HDAC4: variants seen among roughly 807,000 people sequenced by gnomAD.
The protein encoded by HDAC4 is histone deacetylase A.
A neutral mutation model predicts 135.1 loss-of-function variants in HDAC4; 16 were observed. The ratio of observed to expected loss-of-function variants is 0.12; its 90% CI spans 0.08 to 0.18. HDAC4 has a LOEUF of 0.18. Among genes scored for constraint, HDAC4 ranks in the 10% least tolerant of loss-of-function variants. HDAC4 has a pLI of 1.00. For synonymous variants in HDAC4, 685 were observed against 653.4 expected (o/e 1.05, Z -0.74); for missense variants, 1,143 against 1,511.8 (o/e 0.76, Z 4.05).
chr2:239,321,129 T>C (rs1167000925), intron 2 of HDAC4, among the ~76,000 whole-genome samples: 1 of 152,204 alleles, frequency 6.6e-6, no homozygotes, highest in Non-Finnish European at 1.5e-5. Context: ...GCTTTATTAT[T>C]GTCTCTTGCA....
At position 239,335,265 on chromosome 2, in the gene HDAC4, T is replaced by C. The variant is rs778717423; in HGVS notation, c.22+17413A>G. The stretch of plus-strand genomic sequence containing the variant: ...TTATTTCACTTATGACAAAGTTGCA[T>C]TGGATAGCAGAGAAGAAAGGATGAC... On this transcript the variant is annotated intron_variant, in intron 2 of 26. Transcript: ENST00000543185. 9.2e-5 allele frequency among the ~76,000 whole-genome samples: 14 copies of C among 151,870 alleles called. 1 individual carries two copies. Among genetic ancestry groups the C allele is most frequent in the Non-Finnish European group, 2.1e-4 (14 of 67,962 alleles).
chr2:239,189,079 T>TA (rs1437447745), intron 4 of HDAC4, among the ~76,000 whole-genome samples: 1 of 152,164 alleles, frequency 6.6e-6, no homozygotes, highest in Non-Finnish European at 1.5e-5. Flanking sequence ...ATAGATAACT[T>TA]AGTCTGGTTT....
chr2:239,346,490 T>C (rs1172702846), intron 2 of HDAC4, among the ~76,000 whole-genome samples: 1 of 144,978 alleles, frequency 6.9e-6, no homozygotes, highest in East Asian at 2.1e-4. Flanking sequence ...ACCCATACTT[T>C]AACACACAGT....
intron 22 of HDAC4, among the ~76,000 whole-genome samples, chr2:239,077,969 A>G (rs1221831016): frequency 6.6e-6 from 1 of 152,240 alleles, no homozygotes; most frequent in Non-Finnish European, 1.5e-5. Flanking sequence ...TTGCTTGAGA[A>G]GATCCAGTTT....
At chr2:239,209,775 A>T (rs2046259920) in intron 3 of HDAC4, among the ~76,000 whole-genome samples, 1 of 152,248 alleles carries the variant, frequency 6.6e-6, no homozygotes, top group African/African-American at 2.4e-5. Flanking sequence ...TATCCGTAAC[A>T]TGTAAGTAAC....
chr2:239,209,098 C>T (rs6543516), intron 3 of HDAC4, among the ~76,000 whole-genome samples: 20,630 of 152,178 alleles, frequency 0.14, 1,507 homozygotes, highest in East Asian at 0.23. Flanking sequence ...TCAGGCTGGT[C>T]TTGAACTCCT....
In HDAC4 at chr2:239,051,239, GCTT is replaced by G. The variant is rs1261240703; in HGVS notation, c.*1855_*1857del. 2.6e-5 allele frequency: 4 copies of G among 152,344 alleles called. No individual in the cohort carries two copies. Among genetic ancestry groups the G allele is most frequent in the African/African-American group, 9.7e-5 (4 of 41,410 alleles). 9.4% of individuals were successfully genotyped at this position (152,344 alleles called of 1,614,324 possible). A position where few individuals can be genotyped will look rare whatever the true frequency, so the allele number is the denominator to read the frequency against. ...GTTGAAAGTTAAAAAGAGCCCCTGG[GCTT>G]CTTTATACAGCTCCTAGGACAGACC... On this transcript the variant is annotated 3_prime_UTR_variant, in exon 27 of 27. Transcript: ENST00000543185.
chr2:239,397,646 C>T (rs1026089641), intron 1 of HDAC4, among the ~76,000 whole-genome samples: 14 of 152,174 alleles, frequency 9.2e-5, no homozygotes, highest in Non-Finnish European at 1.3e-4. Context: ...GCTGCAGGCA[C>T]CATGGCCCTC....
At chr2:239,176,101 G>A (rs544563821) in intron 5 of HDAC4, among the ~76,000 whole-genome samples, 3 of 152,144 alleles carry the variant, frequency 2.0e-5, no homozygotes, top group Non-Finnish European at 4.4e-5. Context: ...CCTACTCCCC[G>A]TGTGCTGCCC....
intron 1 of HDAC4, among the ~76,000 whole-genome samples, chr2:239,383,998 C>G (rs542639696): frequency 6.6e-6 from 1 of 152,322 alleles, no homozygotes. Context: ...GGCCTACTGA[C>G]GTGAGTAACG....
At chr2:239,147,738 C>T (rs1300789290) in intron 7 of HDAC4, among the ~76,000 whole-genome samples, 1 of 152,276 alleles carries the variant, frequency 6.6e-6, no homozygotes, top group African/African-American at 2.4e-5. Context: ...GCAGTGTCTG[C>T]TCCTTAGGGA....
intron 6 of HDAC4, among the ~76,000 whole-genome samples, chr2:239,162,897 T>C (rs554994425): frequency 1.2e-4 from 18 of 152,154 alleles, no homozygotes; most frequent in Non-Finnish European, 2.4e-4. Flanking sequence ...GGCTTGAGAA[T>C]AGCTATTTTT....
At chr2:239,396,054 G>A (rs1358478169) in intron 1 of HDAC4, among the ~76,000 whole-genome samples, 1 of 152,056 alleles carries the variant, frequency 6.6e-6, no homozygotes, top group Non-Finnish European at 1.5e-5. Flanking sequence ...ACACCTCACT[G>A]CAACCTTGAC....
chr2:239,087,516 G>A (rs992123592), intron 19 of HDAC4, 43 bp downstream of exon 19: 4 of 1,594,604 alleles, frequency 2.5e-6, no homozygotes, highest in African/African-American at 2.7e-5. Context: ...AGGGAAGGAA[G>A]ACCTGGGTTC....
chr2:239,207,396 AAATGT>A (rs778487898), intron 3 of HDAC4, among the ~76,000 whole-genome samples: 232 of 152,310 alleles, frequency 1.5e-3, no homozygotes, highest in Non-Finnish European at 2.9e-3. Flanking sequence ...AAATGAAATG[AAATGT>A]AATCATTACA....
At chr2:239,296,150 C>G (rs1282639694) in intron 2 of HDAC4, among the ~76,000 whole-genome samples, 1 of 152,230 alleles carries the variant, frequency 6.6e-6, no homozygotes, top group South Asian at 2.1e-4. Flanking sequence ...ACAGGCTGAC[C>G]TGGAGCCGTG....
At chr2:239,181,124 G>A (rs950285238) in intron 4 of HDAC4, among the ~76,000 whole-genome samples, 6 of 152,234 alleles carry the variant, frequency 3.9e-5, no homozygotes, top group African/African-American at 1.2e-4. Flanking sequence ...TTGGGGACAG[G>A]ACCTGCCGGC....
chr2:239,197,047 TAA>T (rs2045436131), intron 3 of HDAC4, among the ~76,000 whole-genome samples: 1 of 152,148 alleles, frequency 6.6e-6, no homozygotes, highest in African/African-American at 2.4e-5. Flanking sequence ...TGCCCTACCT[TAA>T]GTCTCCCGCT....
At chr2:239,062,353 G>A (rs1033554440) in intron 24 of HDAC4, among the ~76,000 whole-genome samples, 1 of 152,206 alleles carries the variant, frequency 6.6e-6, no homozygotes, top group Non-Finnish European at 1.5e-5. Context: ...TGGCGGCCCC[G>A]CCTGTGTGTG....
Sources: gnomAD v4.1 joint callset for allele counts (sites outside exome capture counted in the v4.1 genomes callset) on GRCh38, gnomAD v4.1.1 for gene constraint, MANE v1.5 for transcripts, NCBI Gene and HGNC (gene_info 2026-07-23, HGNC 2026-07-21) for gene names.